The following ZNF536 variants were observed in gnomAD, a reference collection of about 807,000 sequenced individuals.
ZNF536 encodes zinc finger protein 536.
ZNF536 carries 13 observed loss-of-function variants against 84.5 expected under a neutral mutation model. That is an observed-to-expected ratio of 0.15 (90% CI 0.10 to 0.24). The LOEUF is 0.24. Among genes scored for constraint, ZNF536 ranks in the 10% least tolerant of loss-of-function variants. The probability of loss-of-function intolerance (pLI) is 1.00; values close to 1 mark genes in which losing one functional copy is unlikely to be tolerated. For synonymous variants in ZNF536, 811 were observed against 742.5 expected (o/e 1.09, Z -1.50); for missense variants, 1,536 against 1,747.5 (o/e 0.88, Z 2.16).
At chr19:30,336,846 G>T (rs534498023) in intron 2 of ZNF536, among the ~76,000 whole-genome samples, 1 of 152,226 alleles carries the variant, frequency 6.6e-6, no homozygotes, top group Non-Finnish European at 1.5e-5. Flanking sequence ...GAGGATGGCA[G>T]CTGATGATGG....
chr19:30,234,204 T>A (rs1033731148), intron 1 of ZNF536, among the ~76,000 whole-genome samples: 2 of 151,962 alleles, frequency 1.3e-5, no homozygotes, highest in Non-Finnish European at 2.9e-5. Context: ...AACCTGAAAG[T>A]TTTCTATCTA....
intron 1 of ZNF536, among the ~76,000 whole-genome samples, chr19:30,240,886 A>G (rs1472989300): frequency 6.6e-6 from 1 of 152,216 alleles, no homozygotes; most frequent in Non-Finnish European, 1.5e-5. Flanking sequence ...CTTGGGAAGG[A>G]CATTGCTGTG....
chr19:30,275,963 C>G (rs1568296650), intron 1 of ZNF536, among the ~76,000 whole-genome samples: 1 of 152,052 alleles, frequency 6.6e-6, no homozygotes, highest in Non-Finnish European at 1.5e-5. Context: ...AGAGTATCTC[C>G]CCTCTCCCTT....
At position 30,548,802 on chromosome 19, in the gene ZNF536, A is replaced by C; in HGVS notation, c.3183A>C (p.Lys1061Asn). The change falls in exon 4 of 5, where the codon AAA becomes AAC. Residue 1061 changes from lysine (K) to asparagine (N), a missense_variant. Coordinates refer to ENST00000355537, the MANE Select transcript of ZNF536 (RefSeq NM_014717.3). ...TGCTGCCCTCGTTACAATCAAACAA[A>C]GACCTGGGCCTCTCCAATATGATCA... ...MALLPSLQSN[K>N]DLGLSNMISS... 6.2e-7 allele frequency: 1 copy of C among 1,613,996 alleles called. No homozygotes were observed. The highest frequency in any genetic ancestry group is 1.1e-5 in the South Asian group (1 of 91,084).
chr19:30,499,919 C>T (rs910796242), intron 2 of ZNF536, among the ~76,000 whole-genome samples: 39 of 152,094 alleles, frequency 2.6e-4, no homozygotes, highest in African/African-American at 8.9e-4. Flanking sequence ...AGTGTTCCTC[C>T]CCTTGGAGAT....
intron 2 of ZNF536, among the ~76,000 whole-genome samples, chr19:30,285,067 A>G (rs189002486): frequency 2.0e-5 from 3 of 152,196 alleles, no homozygotes; most frequent in Non-Finnish European, 2.9e-5. Context: ...AAGCCTTTCA[A>G]TCCTTTTCAG....
intron 1 of ZNF536, among the ~76,000 whole-genome samples, chr19:30,383,657 TCTTTC>T (rs879279164): frequency 0.24 from 12,210 of 51,192 alleles, 1,596 homozygotes; most frequent in Non-Finnish European, 0.26. Flanking sequence ...TTTCTTTCTC[TCTTTC>T]TCTTTCTTTC....
chr19:30,581,718 A>G (rs1466958815), intron 1 of ZNF536, among the ~76,000 whole-genome samples: 1 of 151,672 alleles, frequency 6.6e-6, no homozygotes, highest in Non-Finnish European at 1.5e-5. Flanking sequence ...TGGGCGGATC[A>G]CGAGGTCAGG....
chr19:30,393,575 C>T lies in ZNF536; in HGVS notation c.-3+21019C>T, dbSNP rs117423304. Among the ~76,000 whole-genome samples the T allele has an allele frequency of 5.0e-3, 765 of 152,290 alleles. 2 individuals carry two copies. The highest frequency in any genetic ancestry group is 8.6e-3 in the Non-Finnish European group (585 of 68,026). ...GAGAGGTGTCTGGAGCTCACGGAGCCTCTGGTCCTAGGCTAGGGGCAGCGT... is the reference window on the plus strand; with the variant it reads ...GAGAGGTGTCTGGAGCTCACGGAGCTTCTGGTCCTAGGCTAGGGGCAGCGT... On this transcript the variant is annotated intron_variant, in intron 1 of 4. Transcript: ENST00000355537.
chr19:30,338,283 A>T (rs1365059853), intron 2 of ZNF536, among the ~76,000 whole-genome samples: 3 of 151,704 alleles, frequency 2.0e-5, no homozygotes, highest in Admixed American at 1.3e-4. Flanking sequence ...GATGGTGATG[A>T]CAATGATAAT....
At chr19:30,341,646 A>G (rs1490879938) in intron 2 of ZNF536, among the ~76,000 whole-genome samples, 1 of 152,162 alleles carries the variant, frequency 6.6e-6, no homozygotes, top group Non-Finnish European at 1.5e-5. Context: ...TGTGCAGTAG[A>G]ACTTGCAGAG....
intron 2 of ZNF536, among the ~76,000 whole-genome samples, chr19:30,463,448 G>A (rs1482142520): frequency 2.0e-5 from 3 of 152,170 alleles, no homozygotes; most frequent in East Asian, 1.9e-4. Context: ...AGAAGCTGGG[G>A]CTTGAGGCTC....
chr19:30,527,568 C>G (rs928371117), intron 2 of ZNF536, among the ~76,000 whole-genome samples: 1 of 151,554 alleles, frequency 6.6e-6, no homozygotes, highest in East Asian at 1.9e-4. Flanking sequence ...CTATATATGG[C>G]CACCATAAAA....
intron 2 of ZNF536, among the ~76,000 whole-genome samples, chr19:30,449,995 CACAA>C (rs1052643571): frequency 1.3e-5 from 2 of 150,518 alleles, no homozygotes; most frequent in African/African-American, 4.9e-5. Flanking sequence ...CTGCTCCACA[CACAA>C]ACAAATCCAG....
At chr19:30,427,109 C>T (rs1337351535) in intron 1 of ZNF536, among the ~76,000 whole-genome samples, 2 of 152,148 alleles carry the variant, frequency 1.3e-5, no homozygotes, top group Non-Finnish European at 2.9e-5. Flanking sequence ...GTGAGTTATC[C>T]CCTACCATCT....
intron 2 of ZNF536, among the ~76,000 whole-genome samples, chr19:30,451,325 C>G (rs1033104318): frequency 6.6e-6 from 1 of 152,264 alleles, no homozygotes; most frequent in African/African-American, 2.4e-5. Context: ...CCTCCTCCTT[C>G]CCCGGAGCCG....
chr19:30,684,832 C>T (rs940565558), intron 1 of ZNF536, among the ~76,000 whole-genome samples: 3 of 152,158 alleles, frequency 2.0e-5, no homozygotes, highest in East Asian at 1.9e-4. Context: ...GACCTGATCC[C>T]GGGCTGAACA....
intron 1 of ZNF536, among the ~76,000 whole-genome samples, chr19:30,420,812 C>A (rs755573873): frequency 6.6e-6 from 1 of 152,132 alleles, no homozygotes; most frequent in Admixed American, 6.5e-5. Flanking sequence ...AGGATCCAGC[C>A]TCAGAATTAT....
At chr19:30,539,338 C>A (rs777692457) in intron 3 of ZNF536, among the ~76,000 whole-genome samples, 2 of 152,118 alleles carry the variant, frequency 1.3e-5, no homozygotes, top group Non-Finnish European at 2.9e-5. Flanking sequence ...CCTTGCTCAG[C>A]CTTTTGTTCT....
Sources: allele counts gnomAD v4.1 joint callset (sites outside exome capture counted in the v4.1 genomes callset), GRCh38; gene constraint gnomAD v4.1.1; transcripts MANE v1.5; gene names NCBI Gene and HGNC (gene_info 2026-07-23, HGNC 2026-07-21).